Variants in GABRB3 observed in about 807,000 individuals in gnomAD.
GABRB3 encodes the protein gamma-aminobutyric acid type A receptor subunit beta3.
A neutral mutation model predicts 52.1 loss-of-function variants in GABRB3; 14 were observed. The ratio of observed to expected loss-of-function variants is 0.27; its 90% confidence interval spans 0.18 to 0.42. The LOEUF (loss-of-function observed/expected upper bound fraction) is 0.42, where lower values mean the gene tolerates loss of function less well. GABRB3 is among the 10% of genes least tolerant of loss of function. The pLI is 1.00. For missense variants in GABRB3, 307 were observed against 609.1 expected (o/e 0.50, Z 5.22); for synonymous variants, 260 against 232.3 (o/e 1.12, Z -1.08).
At chr15:26,679,917 G>A (rs939675040) in intron 3 of GABRB3, among the ~76,000 whole-genome samples, 1 of 152,136 alleles carries the variant, frequency 6.6e-6, no homozygotes, top group Non-Finnish European at 1.5e-5. Context: ...TTTCTTATTA[G>A]CATCTTCCCT....
chr15:26,567,956 T>C (rs1004842771), intron 6 of GABRB3, among the ~76,000 whole-genome samples: 1 of 152,248 alleles, frequency 6.6e-6, no homozygotes, highest in Non-Finnish European at 1.5e-5. Flanking sequence ...GATGCTCTTC[T>C]AAGGCTAAAC....
intron 3 of GABRB3, among the ~76,000 whole-genome samples, chr15:26,771,592 G>C (rs1006499461): frequency 6.6e-6 from 1 of 152,172 alleles, no homozygotes; most frequent in African/African-American, 2.4e-5. Flanking sequence ...CAAATGAAAG[G>C]GCCATCCTTC....
chr15:26,603,442 T>C (rs1595474250), intron 4 of GABRB3, among the ~76,000 whole-genome samples: 2 of 151,332 alleles, frequency 1.3e-5, no homozygotes, highest in South Asian at 2.1e-4. Context: ...ACCAGAAAAA[T>C]ATATACAAAA....
At chr15:26,580,608 C>T in intron 5 of GABRB3, 152 bp from the exon 6 acceptor site, 1 of 981,996 alleles carries the variant, frequency 1.0e-6, no homozygotes, top group African/African-American at 1.6e-5. Context: ...CATCAAAGAA[C>T]TAACTTTCCA....
intron 7 of GABRB3, among the ~76,000 whole-genome samples, chr15:26,565,319 T>C (rs1259180252): frequency 6.6e-6 from 1 of 152,120 alleles, no homozygotes; most frequent in African/African-American, 2.4e-5. Flanking sequence ...CATGTGCAGG[T>C]GTCAGTCATA....
intron 3 of GABRB3, among the ~76,000 whole-genome samples, chr15:26,680,875 C>G (rs575199099): frequency 6.6e-6 from 1 of 152,276 alleles, no homozygotes; most frequent in African/African-American, 2.4e-5. Flanking sequence ...TCAAGGAACA[C>G]CACATTCTTA....
intron 3 of GABRB3, among the ~76,000 whole-genome samples, chr15:26,719,480 A>C (rs1889587357): frequency 6.6e-6 from 1 of 152,272 alleles, no homozygotes; most frequent in African/African-American, 2.4e-5. Flanking sequence ...TTCAAATTTT[A>C]TTCACACTTT....
chr15:26,759,510 C>T (rs924302655), intron 3 of GABRB3, among the ~76,000 whole-genome samples: 47 of 152,186 alleles, frequency 3.1e-4, no homozygotes, highest in Non-Finnish European at 6.3e-4. Context: ...CCACCCGCCT[C>T]GGCCTCCCAA....
chr15:26,547,337 T>G lies in GABRB3; in HGVS notation c.*456A>C. The G allele has an allele frequency of 2.4e-6, 1 of 410,630 alleles. No homozygotes were observed. The highest frequency in any genetic ancestry group is 3.5e-5 in the East Asian group (1 of 28,678). The allele number at this position is 410,630 out of a possible 1,614,324, so 25.4% of individuals were successfully genotyped here. On this transcript the variant is annotated 3_prime_UTR_variant, in exon 9 of 9. Transcript: ENST00000311550. ...ACTGTATGAGTTTTCAAAGATTAAC[T>G]AAGAATGTCTTTCTGATTTTTAAAC...
chr15:26,625,414 G>A, intron 3 of GABRB3: 2 of 896,066 alleles, frequency 2.2e-6, no homozygotes, highest in Non-Finnish European at 2.7e-6. Flanking sequence ...ACATCCCAGG[G>A]AAGTCACCAA....
chr15:26,720,574 C>A (rs2140140798), intron 3 of GABRB3, among the ~76,000 whole-genome samples: 1 of 152,320 alleles, frequency 6.6e-6, no homozygotes, highest in South Asian at 2.1e-4. Context: ...ATCTCTTCCC[C>A]TCTCCCCACC....
Position 26,732,311 on chromosome 15 carries a change from T to C in GABRB3, c.240+40091A>G, listed in dbSNP as rs1006338159. Among the ~76,000 whole-genome samples, 40 of 146,848 alleles carry C rather than the reference T, an allele frequency of 2.7e-4. 1 individual carries two copies. Among genetic ancestry groups the C allele is most frequent in the African/African-American group, 8.5e-4 (33 of 38,738 alleles). ...ATGGATAGATGGATGGATGGATGGA[T>C]GGATGGATGGATGGATGGATGGATG... On this transcript the variant is annotated intron_variant, in intron 3 of 8. Transcript: ENST00000311550.
intron 3 of GABRB3, chr15:26,642,458 G>A: frequency 7.8e-7 from 1 of 1,287,762 alleles, no homozygotes; most frequent in East Asian, 5.6e-5. Context: ...CTCCTGGAAA[G>A]GAAAAAATGA....
At chr15:26,694,270 G>A (rs142296556) in intron 3 of GABRB3, among the ~76,000 whole-genome samples, 117 of 152,208 alleles carry the variant, frequency 7.7e-4, no homozygotes, top group African/African-American at 2.7e-3. Flanking sequence ...CACTTAACGG[G>A]GAGAAAAAGA....
rs1312194272 is a variant in GABRB3, at chr15:26,545,582, G to C, written c.*2211C>G. 6.6e-6 allele frequency: 1 copy of C among 152,508 alleles called. No individual in the cohort carries two copies. The highest frequency in any genetic ancestry group is 6.6e-5 in the Admixed American group (1 of 15,266). The allele number at this position is 152,508 out of a possible 1,614,324, so 9.4% of individuals were successfully genotyped here. A position where few individuals can be genotyped will look rare whatever the true frequency, so the allele number is the denominator to read the frequency against. ...TTTTGGGGTCCCTCTTCTGCATGTG[G>C]ACCTCACACCTTTAATTACTGGATA... On this transcript the variant is annotated 3_prime_UTR_variant, in exon 9 of 9. Coordinates refer to ENST00000311550, the MANE Select transcript of GABRB3 (RefSeq NM_000814.6).
chr15:26,721,209 G>C (rs916974617), intron 3 of GABRB3, among the ~76,000 whole-genome samples: 1 of 152,088 alleles, frequency 6.6e-6, no homozygotes, highest in African/African-American at 2.4e-5. Flanking sequence ...CCCAAAATAT[G>C]CTTCTTTGGC....
intron 3 of GABRB3, among the ~76,000 whole-genome samples, chr15:26,724,258 A>G (rs1207263435): frequency 6.6e-6 from 1 of 152,162 alleles, no homozygotes; most frequent in East Asian, 1.9e-4. Context: ...CTCCTGGGCC[A>G]TCACAGCTGA....
At chr15:26,615,616 T>C (rs1467874130) in intron 4 of GABRB3, 4 of 576,454 alleles carry the variant, frequency 6.9e-6, no homozygotes, top group Non-Finnish European at 9.0e-6. Flanking sequence ...TTTCCCAGAA[T>C]AAGGCTGAGT....
In GABRB3 at chr15:26,621,556, G is replaced by C; in HGVS notation, c.241-22C>G. 1 of 1,592,344 alleles carries C rather than the reference G, an allele frequency of 6.3e-7. No homozygotes were observed. On this transcript the variant is annotated intron_variant, in intron 3 of 8. Transcript: ENST00000311550. The surrounding 1 kb of genome is among the most constrained non-coding windows in gnomAD (Gnocchi z 4.1). ...AATCCTGGGGGGAAAAGAAAAGAAA[G>C]AAAGTTAGTTTGTACCCAGCCACAG... is the stretch of plus-strand genomic sequence containing the variant.
Sources: allele counts gnomAD v4.1 joint callset (sites outside exome capture counted in the v4.1 genomes callset), GRCh38; gene constraint gnomAD v4.1.1; non-coding constraint Gnocchi (gnomAD v3.1); transcripts MANE v1.5; gene names NCBI Gene and HGNC (gene_info 2026-07-23, HGNC 2026-07-21).